GATA4: variants seen among roughly 807,000 people sequenced by gnomAD.
The protein encoded by GATA4 is GATA binding protein 4, also known as transcription factor GATA-4.
Under a neutral mutation model 37.9 loss-of-function variants are expected in GATA4, and 7 were observed. The ratio of observed to expected loss-of-function variants is 0.18; its 90% CI spans 0.11 to 0.35. GATA4 has a LOEUF of 0.35. Ranked by LOEUF, GATA4 falls within the 10% of genes least tolerant of loss-of-function variation. The probability of loss-of-function intolerance (pLI) is 1.00; values close to 1 mark genes in which losing one functional copy is unlikely to be tolerated. For missense variants in GATA4, 647 were observed against 653.0 expected, an observed-to-expected ratio of 0.99 and a Z score of 0.10; for synonymous variants, 372 against 292.6, an observed-to-expected ratio of 1.27 and a Z score of -2.77.
At chr8:11,754,668 C>G (rs62491483) in intron 4 of GATA4, among the ~76,000 whole-genome samples, 1 of 152,178 alleles carries the variant, frequency 6.6e-6, no homozygotes, top group Non-Finnish European at 1.5e-5. Flanking sequence ...CCTTGATATC[C>G]TCACGTGCCC....
chr8:11,747,470 G>T (rs936228118), intron 2 of GATA4, among the ~76,000 whole-genome samples: 1 of 152,192 alleles, frequency 6.6e-6, no homozygotes, highest in African/African-American at 2.4e-5. Flanking sequence ...CAGCTCTAAA[G>T]TGCCATTGCT....
chr8:11,688,402 C>T (rs1483831486), upstream of GATA4, among the ~76,000 whole-genome samples: 2 of 152,328 alleles, frequency 1.3e-5, no homozygotes, highest in South Asian at 4.1e-4. Context: ...TGTGTACCTA[C>T]TCTGTGCAGA....
At chr8:11,700,570 GC>G (rs1295529901), upstream of GATA4, 1 of 152,284 alleles carries the variant, frequency 6.6e-6, no homozygotes, top group Non-Finnish European at 1.5e-5. Context: ...CTCGTGCAGG[GC>G]AGGCTGCCCG....
At chr8:11,742,353 C>T (rs987821391) in intron 2 of GATA4, among the ~76,000 whole-genome samples, 3 of 151,718 alleles carry the variant, frequency 2.0e-5, no homozygotes, top group Non-Finnish European at 4.4e-5. Flanking sequence ...TCTACGTTCC[C>T]CCCTCCCTCC....
intron 4 of GATA4, among the ~76,000 whole-genome samples, chr8:11,753,538 G>C (rs1280121913): frequency 6.6e-6 from 1 of 151,830 alleles, no homozygotes; most frequent in Non-Finnish European, 1.5e-5. Flanking sequence ...ATTAACGTGA[G>C]GGGGAGATTC....
chr8:11,733,361 C>G (rs574717948), intron 2 of GATA4, among the ~76,000 whole-genome samples: 1 of 152,296 alleles, frequency 6.6e-6, no homozygotes, highest in African/African-American at 2.4e-5. Flanking sequence ...TAAAAGGAGA[C>G]TTAAGAAAGG....
intron 2 of GATA4, among the ~76,000 whole-genome samples, chr8:11,713,822 T>C (rs949557479): frequency 2.0e-5 from 3 of 152,186 alleles, no homozygotes; most frequent in African/African-American, 7.2e-5. Flanking sequence ...GCTCTGCGGA[T>C]AGTTCTTGCC....
chr8:11,751,779 A>G (rs989085911), intron 4 of GATA4, among the ~76,000 whole-genome samples: 2 of 152,220 alleles, frequency 1.3e-5, no homozygotes, highest in Non-Finnish European at 2.9e-5. Flanking sequence ...TAGTTTGCCC[A>G]TATACTTGGC....
At chr8:11,720,437 C>G (rs1054836040) in intron 2 of GATA4, among the ~76,000 whole-genome samples, 5 of 152,140 alleles carry the variant, frequency 3.3e-5, no homozygotes, top group South Asian at 4.2e-4. Context: ...GTTTGATGGA[C>G]TCATCTTTTC....
intron 2 of GATA4, among the ~76,000 whole-genome samples, chr8:11,727,771 G>T (rs897369084): frequency 6.6e-6 from 1 of 151,884 alleles, no homozygotes; most frequent in African/African-American, 2.4e-5. Flanking sequence ...AGCCTGGGAG[G>T]TGGAGACTGC....
upstream of GATA4, among the ~76,000 whole-genome samples, chr8:11,691,652 T>C (rs1799318531): frequency 6.6e-6 from 1 of 152,202 alleles, no homozygotes; most frequent in Non-Finnish European, 1.5e-5. Flanking sequence ...ATGGCAGTCC[T>C]CTGGTGGCAG....
Position 11,749,971 on chromosome 8 carries a change from A to G in GATA4, c.787-140A>G. 1 of 1,110,266 alleles carries G rather than the reference A, an allele frequency of 9.0e-7. No individual in the cohort carries two copies. Among genetic ancestry groups the G allele is most frequent in the Non-Finnish European group, 1.3e-6 (1 of 749,994 alleles). The allele number at this position is 1,110,266 out of a possible 1,614,324, so 68.8% of individuals were successfully genotyped here. ...TGACAGGAGAGTTAGGTGCCGTCAC[A>G]GGTCAGAGATCTCATGCAGGGTCGT... On this transcript the variant is annotated intron_variant, in intron 3 of 6. Transcript: ENST00000532059. This position sits in a 1 kb window ranked among gnomAD's most constrained non-coding sequence, Gnocchi z 4.6.
At chr8:11,720,966 G>C (rs1382562263) in intron 2 of GATA4, among the ~76,000 whole-genome samples, 1 of 151,928 alleles carries the variant, frequency 6.6e-6, no homozygotes, top group African/African-American at 2.4e-5. Context: ...TGCGTGATTT[G>C]TTTCATCCAT....
intron 4 of GATA4, among the ~76,000 whole-genome samples, chr8:11,754,092 C>T (rs1336462975): frequency 6.6e-6 from 1 of 152,228 alleles, no homozygotes; most frequent in Non-Finnish European, 1.5e-5. Flanking sequence ...ACAGAAGCAC[C>T]AATGGCTCCA....
chr8:11,700,737 A>G (rs1390426535), upstream of GATA4: 2 of 152,268 alleles, frequency 1.3e-5, no homozygotes. Flanking sequence ...AGGGCCGCAG[A>G]GGCGCGTCCA....
intron 6 of GATA4, 21 bp downstream of exon 6, chr8:11,757,104 G>T: frequency 1.2e-6 from 2 of 1,612,214 alleles, no homozygotes; most frequent in South Asian, 1.1e-5. Flanking sequence ...TGGCTGGGGC[G>T]CCAGGGCTGT....
At chr8:11,680,721 G>T (rs978223907) in intron 1 of GATA4, 6 of 985,214 alleles carry the variant, frequency 6.1e-6, no homozygotes, top group Non-Finnish European at 7.2e-6. Context: ...CGCTGCGCAC[G>T]GATACCCTGG....
chr8:11,735,920 T>G (rs57341427), intron 2 of GATA4, among the ~76,000 whole-genome samples: 1 of 151,432 alleles, frequency 6.6e-6, no homozygotes, highest in South Asian at 2.1e-4. Flanking sequence ...AAAAAAAAAA[T>G]TTTTTTTTGA....
At chr8:11,692,873 T>C (rs10088471) in intron 1 of GATA4, 981,145 of 981,146 alleles carry the variant, frequency 1, 490,572 homozygotes, top group Middle Eastern at 1. Flanking sequence ...GCCGCCGAGT[T>C]TGCGCCGCCC....
Sources: allele counts gnomAD v4.1 joint callset (sites outside exome capture counted in the v4.1 genomes callset), GRCh38; gene constraint gnomAD v4.1.1; non-coding constraint Gnocchi (gnomAD v3.1); transcripts MANE v1.5; gene names NCBI Gene and HGNC (gene_info 2026-07-23, HGNC 2026-07-21).